DLGAP2: variants seen among roughly 807,000 people sequenced by gnomAD.
DLGAP2 encodes the protein disks large-associated protein 2.
In DLGAP2, 26 loss-of-function variants were observed where a neutral mutation model predicts 100.3. The ratio of observed to expected loss-of-function variants is 0.26; its 90% confidence interval spans 0.19 to 0.36. The LOEUF (loss-of-function observed/expected upper bound fraction) is 0.36. DLGAP2 is among the 10% of genes least tolerant of loss of function. The pLI, the probability that DLGAP2 is intolerant of heterozygous loss-of-function variation, is 1.00. For missense variants in DLGAP2, 1,858 were observed against 1,453.2 expected (o/e 1.28, Z -4.53); for synonymous variants, 886 against 630.1 (o/e 1.41, Z -6.08).
Position 1,165,140 on chromosome 8 carries a change from G to C in DLGAP2, c.74-93711G>C, listed in dbSNP as rs997335788. Among the ~76,000 whole-genome samples the C allele has an allele frequency of 3.6e-5, 5 of 137,106 alleles. No homozygotes were observed. In the Admixed American group the frequency reaches 3.9e-4, roughly 11 times the overall value. 89.9% of individuals were successfully genotyped at this position (137,106 alleles called of 152,430 possible). A position where few individuals can be genotyped will look rare whatever the true frequency, so the allele number is the denominator to read the frequency against. On this transcript the variant is annotated intron_variant, in intron 2 of 14. Coordinates refer to ENST00000637795, the MANE Select transcript of DLGAP2 (RefSeq NM_001346810.2). ...CTGCTGCCAGATAGAGAGAGAGGAA[G>C]ACAGAGAGGGGGAGAGGAAAGGAGA... is the stretch of plus-strand genomic sequence containing the variant.
intron 6 of DLGAP2, among the ~76,000 whole-genome samples, chr8:1,617,684 T>C (rs1039687714): frequency 5.3e-5 from 8 of 152,222 alleles, no homozygotes; most frequent in Admixed American, 1.3e-4. Flanking sequence ...CTGTCGATAG[T>C]TTCTTTTGCT....
At chr8:893,491 A>G (rs1196205213) in intron 1 of DLGAP2, among the ~76,000 whole-genome samples, 1 of 152,218 alleles carries the variant, frequency 6.6e-6, no homozygotes, top group Admixed American at 6.5e-5. Flanking sequence ...TGTCTGCAGC[A>G]GATAGGCAGG....
chr8:795,161 C>T (rs761513816), intron 1 of DLGAP2, among the ~76,000 whole-genome samples: 3 of 152,186 alleles, frequency 2.0e-5, no homozygotes, highest in East Asian at 1.9e-4. Context: ...GTGAAGTCAC[C>T]GTGAACACTG....
intron 2 of DLGAP2, among the ~76,000 whole-genome samples, chr8:1,008,846 C>T (rs972392695): frequency 1.3e-5 from 2 of 152,246 alleles, no homozygotes; most frequent in African/African-American, 4.8e-5. Context: ...GCCTCCTAGT[C>T]CTGATTCCGC....
At chr8:873,643 T>C (rs566805932) in intron 1 of DLGAP2, among the ~76,000 whole-genome samples, 4 of 152,218 alleles carry the variant, frequency 2.6e-5, no homozygotes, top group Non-Finnish European at 4.4e-5. Context: ...TTTTTTCTTA[T>C]GATGTATTTG....
chr8:874,501 G>A (rs1055827112), intron 1 of DLGAP2, among the ~76,000 whole-genome samples: 10 of 152,106 alleles, frequency 6.6e-5, no homozygotes, highest in African/African-American at 2.4e-4. Flanking sequence ...TACACAAACT[G>A]GTGAATTTCC....
intron 2 of DLGAP2, among the ~76,000 whole-genome samples, chr8:942,789 C>G (rs969400183): frequency 2.0e-5 from 3 of 152,216 alleles, no homozygotes; most frequent in African/African-American, 4.8e-5. Context: ...TGAGGTTTTA[C>G]TCACAGGTAG....
chr8:742,999 C>A (rs1316075946), intron 1 of DLGAP2, among the ~76,000 whole-genome samples: 1 of 152,084 alleles, frequency 6.6e-6, no homozygotes, highest in South Asian at 2.1e-4. Context: ...ACAATTGAGG[C>A]CTACTTTGAG....
chr8:1,508,027 C>T (rs1799994661), intron 4 of DLGAP2, among the ~76,000 whole-genome samples: 1 of 151,908 alleles, frequency 6.6e-6, no homozygotes, highest in African/African-American at 2.4e-5. Flanking sequence ...AGGGGAGGGT[C>T]ATTGTCAGTT....
At chr8:1,593,341 G>A (rs7812438) in intron 6 of DLGAP2, among the ~76,000 whole-genome samples, 62,470 of 151,734 alleles carry the variant, frequency 0.41, 12,938 homozygotes, top group Non-Finnish European at 0.42. Flanking sequence ...TGTAGTCCCA[G>A]CTACTCAGGA....
intron 2 of DLGAP2, among the ~76,000 whole-genome samples, chr8:1,099,226 C>T (rs755731402): frequency 7.2e-5 from 11 of 152,150 alleles, no homozygotes; most frequent in African/African-American, 2.7e-4. Context: ...GTAGTAACTG[C>T]GATGAATTCC....
chr8:1,415,398 A>T (rs896760479), intron 3 of DLGAP2, among the ~76,000 whole-genome samples: 1 of 152,048 alleles, frequency 6.6e-6, no homozygotes, highest in Non-Finnish European at 1.5e-5. Flanking sequence ...TTGAGGTGCA[A>T]ATGATCCCAT....
At chr8:1,518,099 G>C (rs1257689581) in intron 4 of DLGAP2, among the ~76,000 whole-genome samples, 2 of 152,234 alleles carry the variant, frequency 1.3e-5, no homozygotes, top group African/African-American at 2.4e-5. Context: ...ATCTCAGACA[G>C]CCCTTATTTG....
intron 2 of DLGAP2, among the ~76,000 whole-genome samples, chr8:1,236,937 C>A: frequency 6.7e-6 from 1 of 148,150 alleles, no homozygotes; most frequent in Non-Finnish European, 1.5e-5. Flanking sequence ...GTCTAGTTCT[C>A]TCACATGGCG....
At chr8:1,277,139 A>G (rs10090904) in intron 3 of DLGAP2, among the ~76,000 whole-genome samples, 1,554 of 152,270 alleles carry the variant, frequency 0.01, 24 homozygotes, top group Non-Finnish European at 0.013. Context: ...TTATTTCCTT[A>G]GGGCAGAATC....
intron 1 of DLGAP2, among the ~76,000 whole-genome samples, chr8:750,634 C>T (rs1213593468): frequency 6.6e-6 from 1 of 152,144 alleles, no homozygotes; most frequent in Non-Finnish European, 1.5e-5. Context: ...AATTAACGGC[C>T]GTACATTTTG....
chr8:851,584 T>G (rs17739674), intron 1 of DLGAP2, among the ~76,000 whole-genome samples: 64,278 of 152,054 alleles, frequency 0.42, 14,023 homozygotes, highest in Admixed American at 0.51. Flanking sequence ...GTTCTGAGAT[T>G]AGTTCCTGGG....
In DLGAP2 at chr8:996,247, G is replaced by C. The variant is rs144396019; in HGVS notation, c.73+88281G>C. Among the ~76,000 whole-genome samples the C allele has an allele frequency of 5.5e-3, 835 of 152,286 alleles. 5 individuals are homozygous for C. Among genetic ancestry groups the C allele is most frequent in the Middle Eastern group, 0.014 (4 of 294 alleles). On this transcript the variant is annotated intron_variant, in intron 2 of 14. Coordinates refer to ENST00000637795, the MANE Select transcript of DLGAP2 (RefSeq NM_001346810.2). ...AGTAACTTTTCTTTGATTGTGAGAT[G>C]GAGGCTGTGAGTTACTTCCCCAGAA...
intron 4 of DLGAP2, among the ~76,000 whole-genome samples, chr8:1,528,626 G>A (rs547303068): frequency 9.2e-5 from 14 of 152,322 alleles, no homozygotes; most frequent in African/African-American, 2.4e-4. Context: ...ACCACCTTCC[G>A]CCTGGAGCCT....
Sources: gnomAD v4.1 joint callset for allele counts (sites outside exome capture counted in the v4.1 genomes callset) on GRCh38, gnomAD v4.1.1 for gene constraint, MANE v1.5 for transcripts, NCBI Gene and HGNC (gene_info 2026-07-23, HGNC 2026-07-21) for gene names.